SEZ6L: variants seen among roughly 807,000 people sequenced by gnomAD.
SEZ6L encodes seizure 6-like protein.
A neutral mutation model predicts 106.2 loss-of-function variants in SEZ6L; 37 were observed. The observed-to-expected ratio is 0.35, with a 90% confidence interval of 0.27 to 0.46. The LOEUF is 0.46. Ranked by LOEUF, SEZ6L falls within the 20% of genes least tolerant of loss-of-function variation. SEZ6L has a pLI of 1.00. For missense variants in SEZ6L, 1,172 were observed against 1,332.8 expected (o/e 0.88, Z 1.88); for synonymous variants, 541 against 570.4 (o/e 0.95, Z 0.73).
chr22:26,378,555 G>A (rs1424601293), intron 16 of SEZ6L, among the ~76,000 whole-genome samples: 1 of 152,162 alleles, frequency 6.6e-6, no homozygotes, highest in Non-Finnish European at 1.5e-5. Context: ...TGAAAAAATT[G>A]AACAGGGCAC....
intron 13 of SEZ6L, among the ~76,000 whole-genome samples, chr22:26,370,080 G>A (rs2083974887): frequency 6.6e-6 from 1 of 151,264 alleles, no homozygotes; most frequent in Admixed American, 6.6e-5. Context: ...AAATTAGCAG[G>A]ATTTGTTTTT....
At chr22:26,256,786 G>A (rs1244067549) in intron 1 of SEZ6L, among the ~76,000 whole-genome samples, 1 of 152,214 alleles carries the variant, frequency 6.6e-6, no homozygotes, top group Admixed American at 6.5e-5. Context: ...GTAGGGCCTG[G>A]CATCTGTGCT....
At chr22:26,203,296 C>T (rs556700255) in intron 1 of SEZ6L, among the ~76,000 whole-genome samples, 1 of 152,318 alleles carries the variant, frequency 6.6e-6, no homozygotes, top group Non-Finnish European at 1.5e-5. Flanking sequence ...TCTCTGGACC[C>T]CTCCAGATTG....
chr22:26,350,269 C>G (rs1360547364), intron 11 of SEZ6L, among the ~76,000 whole-genome samples: 2 of 150,822 alleles, frequency 1.3e-5, no homozygotes, highest in African/African-American at 4.9e-5. Flanking sequence ...ACTCTGTTGC[C>G]CAGGCTGGAG....
intron 9 of SEZ6L, among the ~76,000 whole-genome samples, chr22:26,337,074 C>G (rs2082669129): frequency 6.6e-6 from 1 of 151,978 alleles, no homozygotes. Context: ...GAATCCAGAC[C>G]TTCTGCCTGC....
chr22:26,238,175 G>T (rs1417584190), intron 1 of SEZ6L, among the ~76,000 whole-genome samples: 2 of 152,216 alleles, frequency 1.3e-5, no homozygotes, highest in East Asian at 3.9e-4. Flanking sequence ...GAAGGGCAAA[G>T]GGGCTAAGGA....
intron 9 of SEZ6L, among the ~76,000 whole-genome samples, chr22:26,333,510 G>T (rs1164235000): frequency 6.6e-6 from 1 of 152,198 alleles, no homozygotes; most frequent in Non-Finnish European, 1.5e-5. Context: ...GTCCAGTCGG[G>T]GTTAGGGTCC....
At chr22:26,232,710 C>T (rs1200645606) in intron 1 of SEZ6L, among the ~76,000 whole-genome samples, 1 of 152,172 alleles carries the variant, frequency 6.6e-6, no homozygotes, top group Non-Finnish European at 1.5e-5. Context: ...GTAGGCTGTC[C>T]CATCTAGTGC....
At chr22:26,238,422 G>A (rs1157527572) in intron 1 of SEZ6L, among the ~76,000 whole-genome samples, 1 of 152,150 alleles carries the variant, frequency 6.6e-6, no homozygotes, top group Non-Finnish European at 1.5e-5. Flanking sequence ...TGACAAGATG[G>A]CATTCATTCA....
rs369712064 is a variant in SEZ6L, at chr22:26,378,219, C to A, written c.3045+444C>A. ...AGACACAGATTCCACCATTAATGAG[C>A]CTACCGTCTTGTGAATTATTATTAT... On this transcript the variant is annotated intron_variant, in intron 16 of 16. Transcript: ENST00000248933. Among the ~76,000 whole-genome samples the A allele has an allele frequency of 3.3e-5, 5 of 152,168 alleles. No individual in the cohort carries two copies. In the East Asian group the frequency reaches 5.8e-4, roughly 18 times the overall value.
chr22:26,294,422 C>T lies in SEZ6L; in HGVS notation c.966C>T (p.Leu322=), dbSNP rs751436350. 40 of 1,613,868 alleles carry T rather than the reference C, an allele frequency of 2.5e-5. No homozygotes were observed. Among genetic ancestry groups the T allele is most frequent in the Non-Finnish European group, 3.2e-5 (38 of 1,179,898 alleles). Residue 322 remains leucine (L), a synonymous_variant, in exon 3 of 17, where the codon CTC becomes CTT. Coordinates refer to ENST00000248933, the MANE Select transcript of SEZ6L (RefSeq NM_021115.5). The part of the protein sequence containing the change: ...VTVYTGYGVE[L]QVKSVNLSDG... ...TCTACACTGGCTATGGGGTGGAGCT[C>T]CAGGTAACCCCAGGAGAGTACCTCA...
chr22:26,207,609 T>C (rs1225374641), intron 1 of SEZ6L, among the ~76,000 whole-genome samples: 1 of 152,234 alleles, frequency 6.6e-6, no homozygotes, highest in African/African-American at 2.4e-5. Flanking sequence ...CTATTCCTCC[T>C]TTCCAGTCTT....
At chr22:26,301,956 T>C (rs150008472) in intron 5 of SEZ6L, among the ~76,000 whole-genome samples, 35 of 152,134 alleles carry the variant, frequency 2.3e-4, no homozygotes, top group Non-Finnish European at 2.6e-4. Context: ...TCTGGAAAAA[T>C]TTAAGCATAA....
rs530265526 is a variant in SEZ6L at position 26,361,506 on chromosome 22, C to CA, written c.2600-3851dup. Among the ~76,000 whole-genome samples the CA allele has an allele frequency of 5.8e-3, 752 of 130,642 alleles. 9 individuals are homozygous for CA. Among genetic ancestry groups the CA allele is most frequent in the African/African-American group, 0.02 (704 of 35,726 alleles). 85.7% of individuals were successfully genotyped at this position (130,642 alleles called of 152,430 possible). On this transcript the variant is annotated intron_variant, in intron 12 of 16. Coordinates refer to ENST00000248933, the MANE Select transcript of SEZ6L (RefSeq NM_021115.5). ...TGAGTGACAGAGTGAGACTCTGTCT[C>CA]AAAAAAAAAAAAAAATATATATATA... is the stretch of plus-strand genomic sequence containing the variant.
chr22:26,269,197 T>C (rs1601326999), intron 1 of SEZ6L, among the ~76,000 whole-genome samples: 1 of 152,340 alleles, frequency 6.6e-6, no homozygotes, highest in East Asian at 1.9e-4. Flanking sequence ...TAAATGTTAA[T>C]AGGCTTGTGA....
chr22:26,247,178 A>G (rs571461442), intron 1 of SEZ6L, among the ~76,000 whole-genome samples: 1 of 152,292 alleles, frequency 6.6e-6, no homozygotes, highest in South Asian at 2.1e-4. Flanking sequence ...AACAAAGGGC[A>G]TTTGTAGGGC....
intron 5 of SEZ6L, among the ~76,000 whole-genome samples, chr22:26,300,844 CATT>C (rs1288074703): frequency 3.9e-5 from 6 of 152,226 alleles, no homozygotes. Flanking sequence ...TGTAAGCAAT[CATT>C]ATATATTCTG....
rs572646724 is a variant in SEZ6L at position 26,310,905 on chromosome 22, G to A, written c.1681+69G>A. The stretch of plus-strand genomic sequence containing the variant: ...GTAGCCTGGGAGCAGGGAAAGCATG[G>A]GGAGATAGAAATCTGGGCTGCGAAG... On this transcript the variant is annotated intron_variant, in intron 7 of 16. Transcript: ENST00000248933. 11 of 1,502,248 alleles carry A rather than the reference G, an allele frequency of 7.3e-6. No homozygotes were observed. The African/African-American group carries it at 1.2e-4, about 17-fold the overall frequency. 93.1% of individuals were successfully genotyped at this position (1,502,248 alleles called of 1,614,324 possible).
intron 13 of SEZ6L, among the ~76,000 whole-genome samples, chr22:26,368,568 G>A (rs2083896965): frequency 6.6e-6 from 1 of 152,204 alleles, no homozygotes; most frequent in Admixed American, 6.5e-5. Flanking sequence ...GAGACAGAAA[G>A]CAGAGTCGTG....
Sources: gnomAD v4.1 joint callset for allele counts (sites outside exome capture counted in the v4.1 genomes callset) on GRCh38, gnomAD v4.1.1 for gene constraint, MANE v1.5 for transcripts, NCBI Gene and HGNC (gene_info 2026-07-23, HGNC 2026-07-21) for gene names.